The following FOXO1 variants were observed in gnomAD, a reference collection of about 807,000 sequenced individuals.
FOXO1 encodes the protein forkhead box protein O1.
In FOXO1, 6 loss-of-function variants were observed where a neutral mutation model predicts 44.1. That is an observed-to-expected ratio of 0.14 (90% CI 0.07 to 0.27). The LOEUF (loss-of-function observed/expected upper bound fraction) is 0.27, where lower values mean the gene tolerates loss of function less well. Ranked by LOEUF, FOXO1 falls within the 10% of genes least tolerant of loss-of-function variation. The probability of loss-of-function intolerance (pLI) is 1.00; values close to 1 mark genes in which losing one functional copy is unlikely to be tolerated. For synonymous variants in FOXO1, 380 were observed against 362.7 expected (o/e 1.05, Z -0.54); for missense variants, 737 against 888.8 (o/e 0.83, Z 2.17).
intron 1 of FOXO1, among the ~76,000 whole-genome samples, chr13:40,617,846 A>T (rs984318000): frequency 1.3e-5 from 2 of 152,218 alleles, no homozygotes; most frequent in African/African-American, 4.8e-5. Context: ...TGTTTGTAAT[A>T]CAACAAATGA....
At chr13:40,653,276 A>G (rs971847253) in intron 1 of FOXO1, among the ~76,000 whole-genome samples, 3 of 152,048 alleles carry the variant, frequency 2.0e-5, no homozygotes, top group African/African-American at 7.3e-5. Context: ...CTCTAAATGC[A>G]TTTCTTTTCA....
At chr13:40,656,830 G>T (rs1420364130) in intron 1 of FOXO1, among the ~76,000 whole-genome samples, 2 of 151,610 alleles carry the variant, frequency 1.3e-5, no homozygotes. Context: ...ATCACTCTGA[G>T]AAATTTTTTT....
intron 1 of FOXO1, among the ~76,000 whole-genome samples, chr13:40,599,481 G>A (rs188235450): frequency 7.2e-5 from 11 of 152,312 alleles, no homozygotes; most frequent in African/African-American, 2.2e-4. Flanking sequence ...ACAGCTGGAC[G>A]AAGTTTTGTA....
intron 1 of FOXO1, among the ~76,000 whole-genome samples, chr13:40,660,308 T>C (rs1022414991): frequency 3.3e-5 from 5 of 152,134 alleles, no homozygotes; most frequent in African/African-American, 1.2e-4. Flanking sequence ...ACACTGCCTT[T>C]CCAAGAGGAT....
Position 40,559,975 on chromosome 13 carries a change from T to C in FOXO1, c.1516A>G (p.Thr506Ala). ...VMMGPNSVMS[T>A]YGSQASHNKM... ...TTATGAGATGCCTGGCTGCCATAGGTTGACATGACCGAATTAGGGCCCATC... is the reference window on the plus strand; with the variant it reads ...TTATGAGATGCCTGGCTGCCATAGGCTGACATGACCGAATTAGGGCCCATC... The change falls in exon 2 of 3, where the codon ACC becomes GCC. Residue 506 changes from threonine (T) to alanine (A), a missense_variant. Around this residue, in one of 7 missense-constraint regions of FOXO1, gnomAD observed 283 missense variants for 278.1 expected, o/e 1.02. Transcript: ENST00000379561. 6.2e-7 allele frequency: 1 copy of C among 1,614,146 alleles called. No individual in the cohort carries two copies. Among genetic ancestry groups the C allele is most frequent in the Non-Finnish European group, 8.5e-7 (1 of 1,180,038 alleles).
chr13:40,620,146 C>A, intron 1 of FOXO1: 1 of 1,446,178 alleles, frequency 6.9e-7, no homozygotes, highest in Non-Finnish European at 9.7e-7. Flanking sequence ...TAATTCAAGA[C>A]TTATGTCAAG....
intron 1 of FOXO1, chr13:40,611,141 A>G (rs758736630): frequency 9.3e-6 from 4 of 428,724 alleles, no homozygotes; most frequent in Non-Finnish European, 1.4e-5. Flanking sequence ...TGAGGATAAA[A>G]TGAGTGAGCA....
rs1876559940 is a variant in FOXO1, at chr13:40,620,139, T to A, written c.630+45444A>T. The stretch of plus-strand genomic sequence containing the variant: ...GTACTGCATATACCCCATTCTCTAA[T>A]TCAAGACTTATGTCAAGAATAACAG... On this transcript the variant is annotated intron_variant, in intron 1 of 2. Transcript: ENST00000379561. 7.8e-6 allele frequency: 11 copies of A among 1,419,166 alleles called. No individual in the cohort carries two copies. In the South Asian group the frequency reaches 1.3e-4, roughly 16 times the overall value. 87.9% of individuals were successfully genotyped at this position (1,419,166 alleles called of 1,614,324 possible).
chr13:40,610,319 C>A (rs1876184925), intron 1 of FOXO1, among the ~76,000 whole-genome samples: 1 of 152,126 alleles, frequency 6.6e-6, no homozygotes, highest in African/African-American at 2.4e-5. Flanking sequence ...GTCTATTTGG[C>A]ACCATCTAAA....
intron 1 of FOXO1, among the ~76,000 whole-genome samples, chr13:40,649,980 A>T (rs1877625192): frequency 6.6e-6 from 1 of 152,242 alleles, no homozygotes; most frequent in Non-Finnish European, 1.5e-5. Context: ...AGAATTCTGG[A>T]CGAGTCCCTA....
chr13:40,640,272 G>A (rs1877303642), intron 1 of FOXO1, among the ~76,000 whole-genome samples: 1 of 152,190 alleles, frequency 6.6e-6, no homozygotes, highest in Non-Finnish European at 1.5e-5. Context: ...TTCTTTTAAA[G>A]GATAAGGAAA....
At chr13:40,588,301 T>C (rs1219392454) in intron 1 of FOXO1, among the ~76,000 whole-genome samples, 2 of 152,210 alleles carry the variant, frequency 1.3e-5, no homozygotes, top group Non-Finnish European at 2.9e-5. Flanking sequence ...TGCACAAGAC[T>C]TCTCTAGCTT....
chr13:40,585,569 C>T (rs996516354), intron 1 of FOXO1, among the ~76,000 whole-genome samples: 2 of 152,174 alleles, frequency 1.3e-5, no homozygotes, highest in African/African-American at 4.8e-5. Context: ...AATTCCTTTA[C>T]AGTTCTGACT....
rs752549009 is a variant in FOXO1 at position 40,665,667 on chromosome 13, C to T, written c.546G>A (p.Thr182=). ...CCATCCACTCGTAGATCTGCGACAGCGTGAGCCGCTTCTCCGCCGAGCTCT... is the reference window on the plus strand; with the variant it reads ...CCATCCACTCGTAGATCTGCGACAGTGTGAGCCGCTTCTCCGCCGAGCTCT... ...AIESSAEKRL[T]LSQIYEWMVK... is the part of the protein sequence containing the mutation. The change falls in exon 1 of 3, where the codon ACG becomes ACA. Residue 182 remains threonine (T), a synonymous_variant. Transcript: ENST00000379561. The T allele has an allele frequency of 1.3e-6, 2 of 1,539,418 alleles. No individual in the cohort carries two copies. Among genetic ancestry groups the T allele is most frequent in the East Asian group, 2.6e-5 (1 of 38,600 alleles).
chr13:40,654,547 G>A (rs1387320197), intron 1 of FOXO1, among the ~76,000 whole-genome samples: 3 of 151,302 alleles, frequency 2.0e-5, no homozygotes, highest in African/African-American at 7.3e-5. Context: ...CATCATCTAG[G>A]GAGAAAAATA....
rs1456438950 is a variant in FOXO1 at position 40,559,898 on chromosome 13, T to C, written c.1593A>G (p.Thr531=). 1.9e-6 allele frequency: 3 copies of C among 1,614,194 alleles called. No homozygotes were observed. The highest frequency in any genetic ancestry group is 1.3e-5 in the African/African-American group (1 of 75,054). ...SHTHPGHAQQ[T]SAVNGRPLPH... The stretch of plus-strand genomic sequence containing the variant: ...GCAGGGGACGCCCGTTAACTGCAGA[T>C]GTCTGCTGAGCATGTCCAGGGTGGG... The change falls in exon 2 of 3, where the codon ACA becomes ACG. Residue 531 remains threonine (T), a synonymous_variant. Transcript: ENST00000379561.
At chr13:40,601,639 T>G (rs1228919500) in intron 1 of FOXO1, among the ~76,000 whole-genome samples, 1 of 152,218 alleles carries the variant, frequency 6.6e-6, no homozygotes, top group South Asian at 2.1e-4. Context: ...TATAATACTT[T>G]AAAAAATTTC....
At chr13:40,657,698 T>C (rs1877901575) in intron 1 of FOXO1, among the ~76,000 whole-genome samples, 1 of 152,202 alleles carries the variant, frequency 6.6e-6, no homozygotes, top group Non-Finnish European at 1.5e-5. Context: ...TCTAAGACAC[T>C]TAACTCTTCC....
chr13:40,663,526 G>A (rs972717841), intron 1 of FOXO1, among the ~76,000 whole-genome samples: 1 of 152,078 alleles, frequency 6.6e-6, no homozygotes, highest in African/African-American at 2.4e-5. Context: ...AAGGGGGGAG[G>A]ATTTTTTTTT....
Sources: gnomAD v4.1 joint callset for allele counts (sites outside exome capture counted in the v4.1 genomes callset) on GRCh38, gnomAD v4.1.1 for gene constraint, gnomAD v4.1.1 regional missense constraint, MANE v1.5 for transcripts, NCBI Gene and HGNC (gene_info 2026-07-23, HGNC 2026-07-21) for gene names.